GRID2: variants seen among roughly 807,000 people sequenced by gnomAD.
The protein encoded by GRID2 is glutamate ionotropic receptor delta type subunit 2, also known as glutamate receptor ionotropic, delta-2.
Under a neutral mutation model 114.8 loss-of-function variants are expected in GRID2, and 33 were observed. That is an observed-to-expected ratio of 0.29 (90% confidence interval 0.22 to 0.38). The LOEUF (loss-of-function observed/expected upper bound fraction) is 0.38, where lower values mean the gene tolerates loss of function less well. GRID2 is among the 10% of genes least tolerant of loss of function. The pLI is 1.00. For synonymous variants in GRID2, 505 were observed against 449.9 expected, an observed-to-expected ratio of 1.12 and a Z score of -1.55; for missense variants, 1,184 against 1,257.7, an observed-to-expected ratio of 0.94 and a Z score of 0.89.
intron 14 of GRID2, among the ~76,000 whole-genome samples, chr4:93,643,577 A>G (rs1232951545): frequency 6.3e-5 from 1 of 15,906 alleles, no homozygotes; most frequent in African/African-American, 8.1e-4. Context: ...CTGCCGTGTG[A>G]GGTGTCAGTG....
intron 13 of GRID2, among the ~76,000 whole-genome samples, chr4:93,536,377 A>G (rs571561911): frequency 6.6e-6 from 1 of 151,974 alleles, no homozygotes; most frequent in Non-Finnish European, 1.5e-5. Flanking sequence ...AAGGAACAGA[A>G]TAGGGACCCC....
chr4:92,809,997 A>G (rs1212215862), intron 2 of GRID2, among the ~76,000 whole-genome samples: 2 of 152,072 alleles, frequency 1.3e-5, no homozygotes, highest in Non-Finnish European at 1.5e-5. Flanking sequence ...TTCATCTGAT[A>G]GATACTGAGG....
At chr4:92,935,192 G>GA (rs1304129231) in intron 2 of GRID2, among the ~76,000 whole-genome samples, 4 of 144,324 alleles carry the variant, frequency 2.8e-5, no homozygotes, top group Non-Finnish European at 3.1e-5. Flanking sequence ...AAATTTACAA[G>GA]AAAAAAACAA....
At chr4:93,552,538 C>T (rs577911054) in intron 13 of GRID2, among the ~76,000 whole-genome samples, 175 of 152,224 alleles carry the variant, frequency 1.1e-3, no homozygotes, top group African/African-American at 3.9e-3. Flanking sequence ...CTCTCCAGCA[C>T]CTGTTGTTTC....
chr4:93,725,080 C>T (rs1729728095), intron 14 of GRID2, among the ~76,000 whole-genome samples: 1 of 152,028 alleles, frequency 6.6e-6, no homozygotes, highest in Non-Finnish European at 1.5e-5. Context: ...GTGTGCTGCA[C>T]CCATTAACTC....
intron 14 of GRID2, among the ~76,000 whole-genome samples, chr4:93,721,032 C>A (rs984428678): frequency 2.0e-5 from 3 of 152,224 alleles, no homozygotes; most frequent in Middle Eastern, 6.8e-3. Context: ...TATTAATCCC[C>A]ATTTTTAAAA....
In GRID2 at chr4:92,798,628, AT is replaced by A. The variant is rs1250894092; in HGVS notation, c.244+208344del. On this transcript the variant is annotated intron_variant, in intron 2 of 15. Transcript: ENST00000282020. ...TCCTTCCCTCTTAAAACTTGCATTCATTAGGAGTAACTCTCTGAAGAATCTC... is the reference window on the plus strand; with the variant it reads ...TCCTTCCCTCTTAAAACTTGCATTCATAGGAGTAACTCTCTGAAGAATCTC... 2.0e-4 allele frequency among the ~76,000 whole-genome samples: 31 copies of A among 152,164 alleles called. No homozygotes were observed. In the East Asian group the frequency reaches 6.0e-3, roughly 30 times the overall value.
At chr4:92,648,620 T>TA (rs1408331131) in intron 2 of GRID2, among the ~76,000 whole-genome samples, 2 of 149,298 alleles carry the variant, frequency 1.3e-5, no homozygotes, top group African/African-American at 5.1e-5. Flanking sequence ...TAAGAGTAAT[T>TA]AATAAGACTG....
chr4:92,696,641 C>T (rs979752925), intron 2 of GRID2, among the ~76,000 whole-genome samples: 3 of 152,012 alleles, frequency 2.0e-5, no homozygotes, highest in African/African-American at 7.2e-5. Flanking sequence ...TGTGAACAAC[C>T]GCAGAACACT....
intron 14 of GRID2, among the ~76,000 whole-genome samples, chr4:93,674,629 T>G (rs1169505594): frequency 6.6e-6 from 1 of 151,866 alleles, no homozygotes; most frequent in Non-Finnish European, 1.5e-5. Context: ...TTTTTTTTAT[T>G]TCTTTAAATA....
intron 2 of GRID2, among the ~76,000 whole-genome samples, chr4:92,610,629 A>G (rs1729671984): frequency 1.3e-5 from 2 of 151,572 alleles, no homozygotes; most frequent in African/African-American, 2.4e-5. Context: ...GTACAATTAA[A>G]CTATTAATAG....
intron 2 of GRID2, among the ~76,000 whole-genome samples, chr4:92,824,022 T>C (rs1741484381): frequency 1.3e-5 from 2 of 152,118 alleles, no homozygotes; most frequent in South Asian, 4.1e-4. Context: ...TAATATCTAA[T>C]ACAAAGGGAC....
chr4:92,356,806 A>G (rs929706607), intron 1 of GRID2, among the ~76,000 whole-genome samples: 2 of 151,822 alleles, frequency 1.3e-5, no homozygotes, highest in Non-Finnish European at 2.9e-5. Flanking sequence ...TTGAAATTTT[A>G]CAAAAAGCCA....
chr4:93,274,982 A>G (rs575742987), intron 8 of GRID2, among the ~76,000 whole-genome samples: 13 of 152,078 alleles, frequency 8.5e-5, no homozygotes, highest in South Asian at 8.3e-4. Context: ...TATATCCACA[A>G]AGTTATTCAA....
chr4:93,000,132 T>C (rs1287776812), intron 2 of GRID2, among the ~76,000 whole-genome samples: 2 of 151,676 alleles, frequency 1.3e-5, no homozygotes, highest in Admixed American at 6.6e-5. Context: ...GTATAGTCTT[T>C]TGTGAAAAAT....
chr4:93,802,366 A>T (rs1344395135), intron 1 of GRID2, among the ~76,000 whole-genome samples: 1 of 151,874 alleles, frequency 6.6e-6, no homozygotes, highest in Non-Finnish European at 1.5e-5. Flanking sequence ...CTTTGACTCT[A>T]TGTGTGAGAG....
At chr4:93,270,841 C>G (rs572290264) in intron 8 of GRID2, among the ~76,000 whole-genome samples, 16 of 152,182 alleles carry the variant, frequency 1.1e-4, no homozygotes, top group Admixed American at 1.0e-3. Context: ...GTTGGCCAGG[C>G]TGGTCTCAAA....
chr4:92,945,013 T>G (rs545231658), intron 2 of GRID2, among the ~76,000 whole-genome samples: 7 of 152,310 alleles, frequency 4.6e-5, no homozygotes, highest in Admixed American at 4.6e-4. Flanking sequence ...CTTTTGTGTA[T>G]ATTGATTCTT....
intron 3 of GRID2, among the ~76,000 whole-genome samples, chr4:93,105,282 C>A (rs2149344915): frequency 6.6e-6 from 1 of 152,032 alleles, no homozygotes; most frequent in East Asian, 1.9e-4. Flanking sequence ...ATGGTAGTTT[C>A]TTTTGTTGTG....
Sources: gnomAD v4.1 joint callset for allele counts (sites outside exome capture counted in the v4.1 genomes callset) on GRCh38, gnomAD v4.1.1 for gene constraint, MANE v1.5 for transcripts, NCBI Gene and HGNC (gene_info 2026-07-23, HGNC 2026-07-21) for gene names.